Variants in SGMS1 observed in about 807,000 individuals in gnomAD.
The protein encoded by SGMS1 is sphingomyelin synthase 1.
A neutral mutation model predicts 46.2 loss-of-function variants in SGMS1; 13 were observed. The ratio of observed to expected loss-of-function variants is 0.28; its 90% CI spans 0.18 to 0.45. SGMS1 has a LOEUF of 0.45. SGMS1 is among the 20% of genes least tolerant of loss of function. The pLI, the probability that SGMS1 is intolerant of heterozygous loss-of-function variation, is 1.00. For synonymous variants in SGMS1, 203 were observed against 187.8 expected (o/e 1.08, Z -0.66); for missense variants, 324 against 519.9 (o/e 0.62, Z 3.66).
chr10:50,378,963 T>G (rs114802743), intron 6 of SGMS1, among the ~76,000 whole-genome samples: 2 of 152,108 alleles, frequency 1.3e-5, no homozygotes, highest in Admixed American at 6.6e-5. Flanking sequence ...GTATTCCTGA[T>G]AGTGTAGGGG....
rs1230819297 is a variant in SGMS1 at position 50,535,098 on chromosome 10, G to A, written c.-588-15177C>T. Among the ~76,000 whole-genome samples the A allele has an allele frequency of 2.6e-5, 4 of 152,038 alleles. No individual in the cohort carries two copies. In the South Asian group the frequency reaches 8.3e-4, roughly 32 times the overall value. ...AATACAAAAATTAGCCCGGCATGGT[G>A]GCAGGTGCCTGTAGTCCCAGCTACT... is the stretch of plus-strand genomic sequence containing the variant. On this transcript the variant is annotated intron_variant, in intron 2 of 10. Coordinates refer to ENST00000361781, the MANE Select transcript of SGMS1 (RefSeq NM_147156.4).
intron 1 of SGMS1, among the ~76,000 whole-genome samples, chr10:50,612,468 G>A (rs1838758917): frequency 6.6e-6 from 1 of 152,226 alleles, no homozygotes; most frequent in African/African-American, 2.4e-5. Flanking sequence ...ATAATAAGCA[G>A]CTGGCGAAAA....
rs143115717 is a variant in SGMS1 at position 50,468,583 on chromosome 10, C to A, written c.-497-1651G>T. ...GTGCTTTCCCACTGTAACGGGAGAA[C>A]TCAGAAGAACAGTGTCCCTCAGAGA... On this transcript the variant is annotated intron_variant, in intron 3 of 10. Transcript: ENST00000361781. 1.3e-3 allele frequency among the ~76,000 whole-genome samples: 194 copies of A among 152,278 alleles called. 2 individuals carry two copies. Among genetic ancestry groups the A allele is most frequent in the African/African-American group, 4.5e-3 (187 of 41,556 alleles).
chr10:50,337,103 G>A (rs1409979669), intron 7 of SGMS1, among the ~76,000 whole-genome samples: 4 of 152,138 alleles, frequency 2.6e-5, no homozygotes, highest in Admixed American at 2.0e-4. Context: ...TAATGGGTAA[G>A]TATCCGAAAA....
intron 1 of SGMS1, among the ~76,000 whole-genome samples, chr10:50,593,009 A>G (rs1166968012): frequency 3.3e-5 from 5 of 152,132 alleles, no homozygotes; most frequent in Non-Finnish European, 5.9e-5. Flanking sequence ...CCACTACAAT[A>G]TTGCTGAAAT....
At chr10:50,495,234 G>T (rs1197973727) in intron 3 of SGMS1, among the ~76,000 whole-genome samples, 4 of 65,626 alleles carry the variant, frequency 6.1e-5, no homozygotes, top group Non-Finnish European at 1.0e-4. Flanking sequence ...TGAAGATTCC[G>T]TCTCAAAAAA....
Position 50,306,292 on chromosome 10 carries a change from AAAATTTAGT to A in SGMS1, c.*841_*849del, listed in dbSNP as rs1847181657. On this transcript the variant is annotated 3_prime_UTR_variant, in exon 11 of 11. Transcript: ENST00000361781. ...TCTGATTCAATTTAGCTATAAATGC[AAAATTTAGT>A]AGTGTATACATATATTTATATTTTC... The A allele has an allele frequency of 6.6e-6, 1 of 152,618 alleles. No individual in the cohort carries two copies. Among genetic ancestry groups the A allele is most frequent in the African/African-American group, 2.4e-5 (1 of 41,460 alleles). The allele number at this position is 152,618 out of a possible 1,614,324, so 9.5% of individuals were successfully genotyped here. A position where few individuals can be genotyped will look rare whatever the true frequency, so the allele number is the denominator to read the frequency against.
chr10:50,484,705 G>C (rs748982133), intron 3 of SGMS1, among the ~76,000 whole-genome samples: 2 of 152,158 alleles, frequency 1.3e-5, no homozygotes, highest in Non-Finnish European at 2.9e-5. Flanking sequence ...CCATGATCGA[G>C]CTGGCTTCAT....
At chr10:50,532,131 G>A (rs147323377) in intron 2 of SGMS1, among the ~76,000 whole-genome samples, 1,543 of 152,196 alleles carry the variant, frequency 0.01, 15 homozygotes, top group Non-Finnish European at 0.017. Context: ...ATGTCTGCAT[G>A]GGTTTTCTCA....
intron 5 of SGMS1, among the ~76,000 whole-genome samples, chr10:50,454,439 G>A (rs555173541): frequency 8.6e-4 from 130 of 152,018 alleles, no homozygotes; most frequent in African/African-American, 3.0e-3. Context: ...TAGTGAAAAG[G>A]GACAAAAAGA....
intron 3 of SGMS1, among the ~76,000 whole-genome samples, chr10:50,515,031 G>C (rs1837789415): frequency 6.6e-6 from 1 of 152,220 alleles, no homozygotes; most frequent in Non-Finnish European, 1.5e-5. Context: ...GAACAGGTTG[G>C]AGAGGAAGGT....
chr10:50,348,013 C>A (rs868283385), intron 6 of SGMS1, among the ~76,000 whole-genome samples: 8 of 152,146 alleles, frequency 5.3e-5, no homozygotes, highest in Admixed American at 1.3e-4. Context: ...TTTGTCCTAA[C>A]GCTTTCCCTC....
intron 6 of SGMS1, among the ~76,000 whole-genome samples, chr10:50,375,803 T>C (rs1478571869): frequency 2.0e-5 from 3 of 152,130 alleles, no homozygotes; most frequent in Admixed American, 2.0e-4. Flanking sequence ...GCATACAAGA[T>C]GTATGTAAAG....
chr10:50,356,348 C>T (rs552150519), intron 6 of SGMS1, among the ~76,000 whole-genome samples: 1 of 152,252 alleles, frequency 6.6e-6, no homozygotes, highest in East Asian at 1.9e-4. Context: ...TAAACAGATG[C>T]TTGAAGGCAG....
intron 6 of SGMS1, among the ~76,000 whole-genome samples, chr10:50,394,934 C>A (rs1253801745): frequency 6.6e-6 from 1 of 152,194 alleles, no homozygotes; most frequent in Non-Finnish European, 1.5e-5. Flanking sequence ...AATCACTATA[C>A]CATCACGAAC....
intron 7 of SGMS1, chr10:50,340,730 CA>C (rs1847803987): frequency 6.6e-6 from 1 of 152,240 alleles, no homozygotes; most frequent in Non-Finnish European, 1.5e-5. Context: ...CACAATGTCA[CA>C]AATTCAAGAT....
At chr10:50,348,037 C>A (rs1395676565) in intron 6 of SGMS1, among the ~76,000 whole-genome samples, 1 of 152,144 alleles carries the variant, frequency 6.6e-6, no homozygotes, top group Non-Finnish European at 1.5e-5. Context: ...TTTCCCCCTA[C>A]CCTATGACAG....
chr10:50,313,358 C>T (rs75610221), intron 8 of SGMS1, among the ~76,000 whole-genome samples: 2,094 of 151,850 alleles, frequency 0.014, 45 homozygotes, highest in African/African-American at 0.047. Flanking sequence ...CGTGGAGACA[C>T]AAAAGTAAAC....
intron 6 of SGMS1, among the ~76,000 whole-genome samples, chr10:50,372,692 CA>C (rs373320132): frequency 1.3e-4 from 3 of 22,460 alleles, no homozygotes; most frequent in Non-Finnish European, 3.3e-4. Context: ...GACTCTGTCT[CA>C]AAAAAAAACA....
Sources: allele counts gnomAD v4.1 joint callset (sites outside exome capture counted in the v4.1 genomes callset), GRCh38; gene constraint gnomAD v4.1.1; transcripts MANE v1.5; gene names NCBI Gene and HGNC (gene_info 2026-07-23, HGNC 2026-07-21).